SRC: variants seen among roughly 807,000 people sequenced by gnomAD.
SRC encodes the protein proto-oncogene tyrosine-protein kinase Src.
A neutral mutation model predicts 62.9 loss-of-function variants in SRC; 13 were observed. The observed-to-expected ratio is 0.21, with a 90% CI of 0.13 to 0.33. The LOEUF is 0.33. Ranked by LOEUF, SRC falls within the 10% of genes least tolerant of loss-of-function variation. The probability of loss-of-function intolerance (pLI) is 1.00; values close to 1 mark genes in which losing one functional copy is unlikely to be tolerated. For missense variants in SRC, 457 were observed against 737.3 expected (o/e 0.62, Z 4.40); for synonymous variants, 302 against 317.5 (o/e 0.95, Z 0.52).
intron 2 of SRC, among the ~76,000 whole-genome samples, chr20:37,369,068 A>T (rs1191266786): frequency 1.3e-5 from 2 of 152,244 alleles, no homozygotes; most frequent in African/African-American, 4.8e-5. Flanking sequence ...GTCTACACTT[A>T]TACCAGTACC....
chr20:37,394,077 T>A (rs1601010632), intron 6 of SRC, 84 bp downstream of exon 6: 3 of 1,561,496 alleles, frequency 1.9e-6, no homozygotes, highest in Middle Eastern at 1.7e-4. Flanking sequence ...GGGTGGGAGG[T>A]CTGGCTGTCC....
chr20:37,390,594 C>T (rs564220150), intron 5 of SRC, among the ~76,000 whole-genome samples: 178 of 152,114 alleles, frequency 1.2e-3, no homozygotes, highest in African/African-American at 3.5e-3. Flanking sequence ...TTATTAGAGA[C>T]GGGGTTTCGC....
intron 2 of SRC, among the ~76,000 whole-genome samples, chr20:37,373,709 G>C (rs2070234102): frequency 6.6e-6 from 1 of 152,206 alleles, no homozygotes; most frequent in Non-Finnish European, 1.5e-5. Flanking sequence ...ATCCAGCTTT[G>C]TTTTCTGATG....
chr20:37,361,223 G>C (rs1026894883), intron 1 of SRC, among the ~76,000 whole-genome samples: 4 of 152,172 alleles, frequency 2.6e-5, no homozygotes, highest in African/African-American at 9.7e-5. Flanking sequence ...CTTGCGGCAG[G>C]CCCCCTCCAT....
chr20:37,345,398 G>A, upstream of SRC, among the ~76,000 whole-genome samples: 1 of 152,162 alleles, frequency 6.6e-6, no homozygotes, highest in Non-Finnish European at 1.5e-5. Flanking sequence ...TACTTACTTG[G>A]AAGTGTGACT....
chr20:37,402,742 C>T lies in SRC; in HGVS notation c.1271-7C>T, dbSNP rs1490392379. The T allele has an allele frequency of 1.9e-6, 3 of 1,608,682 alleles. No individual in the cohort carries two copies. The highest frequency in any genetic ancestry group is 2.7e-5 in the African/African-American group (2 of 74,798). On this transcript the variant is annotated splice_polypyrimidine_tract_variant and splice_region_variant and intron_variant, in intron 12 of 13. Coordinates refer to ENST00000373578, the MANE Select transcript of SRC (RefSeq NM_198291.3). The surrounding 1 kb of genome is among the most constrained non-coding windows in gnomAD (Gnocchi z 6.2). ...CAGAGCTGCCCTGACCTTTCTCGTT[C>T]CTGCAGGTGCCAAATTCCCCATCAA... is the stretch of plus-strand genomic sequence containing the variant.
intron 4 of SRC, among the ~76,000 whole-genome samples, chr20:37,385,651 G>A (rs1435124739): frequency 1.3e-5 from 2 of 152,190 alleles, no homozygotes; most frequent in African/African-American, 2.4e-5. Flanking sequence ...TATAGAGAGA[G>A]AGCGAGCCTC....
intron 9 of SRC, among the ~76,000 whole-genome samples, chr20:37,399,437 A>AG (rs1340283452): frequency 2.6e-5 from 4 of 152,138 alleles, no homozygotes; most frequent in Non-Finnish European, 1.5e-5. Flanking sequence ...CTAACACATG[A>AG]GGCACGTTCA....
rs2070755498 is a variant in SRC at position 37,402,580 on chromosome 20, C to T, written c.1262C>T (p.Ala421Val). 3 of 1,611,020 alleles carry T rather than the reference C, an allele frequency of 1.9e-6. No homozygotes were observed. The highest frequency in any genetic ancestry group is 2.5e-6 in the Non-Finnish European group (3 of 1,178,004). The change falls in exon 12 of 14, where the codon GCG becomes GTG. Residue 421 changes from alanine (A) to valine (V), a missense_variant. By Grantham distance (64) the Ala-to-Val change is moderately conservative (BLOSUM62 0). This residue lies in a region of SRC where 168 missense variants were observed against 357.8 expected (regional missense o/e 0.47). Coordinates refer to ENST00000373578, the MANE Select transcript of SRC (RefSeq NM_198291.3). The surrounding 1 kb of genome is among the most constrained non-coding windows in gnomAD (Gnocchi z 6.2). ...CTCATTGAAGACAATGAGTACACGG[C>T]GCGGCAAGGTGGGCAGGGGCTGTGT... is the stretch of plus-strand genomic sequence containing the variant. ...ARLIEDNEYT[A>V]RQGAKFPIKW...
chr20:37,381,938 G>A (rs1209358768), intron 2 of SRC, among the ~76,000 whole-genome samples: 1 of 152,114 alleles, frequency 6.6e-6, no homozygotes, highest in East Asian at 1.9e-4. Flanking sequence ...TGGTCCCCAG[G>A]GAGCATGCAA....
At chr20:37,358,147 T>C (rs1014857112) in intron 1 of SRC, among the ~76,000 whole-genome samples, 1 of 152,224 alleles carries the variant, frequency 6.6e-6, no homozygotes, top group Non-Finnish European at 1.5e-5. Context: ...TAACGGTCCC[T>C]ACCCCACAGT....
intron 2 of SRC, among the ~76,000 whole-genome samples, chr20:37,374,252 G>C (rs2070242182): frequency 1.3e-5 from 2 of 151,818 alleles, no homozygotes; most frequent in Admixed American, 1.3e-4. Flanking sequence ...GCTAATTTTT[G>C]TATTTATAGT....
In SRC at chr20:37,397,589, G is replaced by A. The variant is rs1434392694; in HGVS notation, c.704-110G>A. 1.6e-5 allele frequency: 22 copies of A among 1,392,302 alleles called. No individual in the cohort carries two copies. The highest frequency in any genetic ancestry group is 4.4e-5 in the African/African-American group (3 of 67,732). 86.2% of individuals were successfully genotyped at this position (1,392,302 alleles called of 1,614,324 possible). Reference sequence around the variant, plus strand: ...ATGCCTGGCTTTGAGGGCACCCTGCGTGTCCCCTGAAATCTGTGTGCATCT... The same window carrying A: ...ATGCCTGGCTTTGAGGGCACCCTGCATGTCCCCTGAAATCTGTGTGCATCT... On this transcript the variant is annotated intron_variant, in intron 8 of 13. Coordinates refer to ENST00000373578, the MANE Select transcript of SRC (RefSeq NM_198291.3). This position sits in a 1 kb window ranked among gnomAD's most constrained non-coding sequence, Gnocchi z 4.1.
At chr20:37,394,017 C>T (rs1465091762) in intron 6 of SRC, 24 bp downstream of exon 6, 2 of 1,609,076 alleles carry the variant, frequency 1.2e-6, no homozygotes, top group Admixed American at 3.3e-5. Flanking sequence ...CTGGCTGCCT[C>T]TACCCGTCGT....
chr20:37,376,019 T>C (rs1275463860), intron 2 of SRC, among the ~76,000 whole-genome samples: 1 of 152,050 alleles, frequency 6.6e-6, no homozygotes, highest in African/African-American at 2.4e-5. Flanking sequence ...CCTAATCACC[T>C]CCCAAGGCCC....
chr20:37,394,050 G>T, intron 6 of SRC, 57 bp downstream of exon 6: 2 of 1,583,112 alleles, frequency 1.3e-6, no homozygotes, highest in Non-Finnish European at 8.7e-7. Flanking sequence ...CCGGTGCAGA[G>T]TGCCTCTCCT....
At chr20:37,401,569 G>GT (rs756668942) in intron 10 of SRC, 33 bp from the exon 11 acceptor site, 2 of 1,570,864 alleles carry the variant, frequency 1.3e-6, no homozygotes, top group South Asian at 2.2e-5. Context: ...GAGGGACAGG[G>GT]CAGGAGCTGG....
chr20:37,402,386 G>T lies in SRC; in HGVS notation c.1117-49G>T, dbSNP rs749607713. The T allele has an allele frequency of 6.3e-7, 1 of 1,593,492 alleles. No homozygotes were observed. Among genetic ancestry groups the T allele is most frequent in the South Asian group, 1.1e-5 (1 of 89,874 alleles). Reference sequence around the variant, plus strand: ...AGCCCCAGAGTGCTCTGTGGCCCTGGGAGGGCATGGGTGGCACCTGAGCCA... The same window carrying T: ...AGCCCCAGAGTGCTCTGTGGCCCTGTGAGGGCATGGGTGGCACCTGAGCCA... On this transcript the variant is annotated intron_variant, in intron 11 of 13. Transcript: ENST00000373578. The surrounding 1 kb of genome is among the most constrained non-coding windows in gnomAD (Gnocchi z 6.2).
chr20:37,382,094 G>A (rs914261229), intron 2 of SRC, among the ~76,000 whole-genome samples: 12 of 152,180 alleles, frequency 7.9e-5, no homozygotes, highest in African/African-American at 2.9e-4. Flanking sequence ...CAGTCAGGGG[G>A]CCTTTTCCCC....
Sources: allele counts gnomAD v4.1 joint callset (sites outside exome capture counted in the v4.1 genomes callset), GRCh38; gene constraint gnomAD v4.1.1; regional missense constraint gnomAD v4.1.1; non-coding constraint Gnocchi (gnomAD v3.1); transcripts MANE v1.5; gene names NCBI Gene and HGNC (gene_info 2026-07-23, HGNC 2026-07-21).